Variants in ATRN observed in about 807,000 individuals in gnomAD.
ATRN encodes the protein attractin-2.
ATRN carries 54 observed loss-of-function variants against 178.7 expected under a neutral mutation model. The ratio of observed to expected loss-of-function variants is 0.30; its 90% CI spans 0.24 to 0.38. The LOEUF is 0.38. Among genes scored for constraint, ATRN ranks in the 10% least tolerant of loss-of-function variants. ATRN has a pLI of 1.00. For synonymous variants in ATRN, 636 were observed against 663.0 expected, an observed-to-expected ratio of 0.96 and a Z score of 0.63; for missense variants, 1,443 against 1,815.1, an observed-to-expected ratio of 0.79 and a Z score of 3.73.
In ATRN at chr20:3,489,899, G is replaced by T; in HGVS notation, c.410+18382G>T. 2.3e-6 allele frequency: 3 copies of T among 1,285,692 alleles called. No homozygotes were observed. In the Admixed American group the frequency reaches 5.0e-5, roughly 22 times the overall value. The allele number at this position is 1,285,692 out of a possible 1,614,324, so 79.6% of individuals were successfully genotyped here. ...CCCAGCCAAGTGGCAGGTTTTTGGGGTTGTAAATGATCTCGTTCTTTTCAT... is the reference window on the plus strand; with the variant it reads ...CCCAGCCAAGTGGCAGGTTTTTGGGTTTGTAAATGATCTCGTTCTTTTCAT... On this transcript the variant is annotated intron_variant, in intron 1 of 28. Transcript: ENST00000262919.
At chr20:3,514,375 G>C (rs968826696) in intron 1 of ATRN, among the ~76,000 whole-genome samples, 3 of 152,096 alleles carry the variant, frequency 2.0e-5, no homozygotes, top group African/African-American at 7.2e-5. Context: ...CATACAGCCA[G>C]CATCATTTTG....
At chr20:3,481,646 C>T (rs535411282) in intron 1 of ATRN, among the ~76,000 whole-genome samples, 1 of 139,924 alleles carries the variant, frequency 7.1e-6, no homozygotes, top group South Asian at 2.1e-4. Flanking sequence ...ATGCTTGGAC[C>T]CTTTAAATTT....
At chr20:3,549,732 G>C (rs1206521861) in intron 6 of ATRN, among the ~76,000 whole-genome samples, 2 of 152,154 alleles carry the variant, frequency 1.3e-5, no homozygotes, top group Non-Finnish European at 2.9e-5. Context: ...AGGTCTATTT[G>C]CTAATCTCGT....
intron 1 of ATRN, among the ~76,000 whole-genome samples, chr20:3,504,996 C>A (rs1045312614): frequency 6.6e-6 from 1 of 151,942 alleles, no homozygotes; most frequent in Admixed American, 6.6e-5. Context: ...ACAATATAAA[C>A]AAATCAAGCT....
intron 26 of ATRN, among the ~76,000 whole-genome samples, chr20:3,635,805 CTCTT>C (rs1827488884): frequency 6.6e-6 from 1 of 152,042 alleles, no homozygotes; most frequent in Admixed American, 6.5e-5. Flanking sequence ...ATGTTGCACA[CTCTT>C]TATTATTATT....
In ATRN at chr20:3,650,877, G is replaced by A. The variant is rs1364025311; in HGVS notation, c.*4030G>A. On this transcript the variant is annotated 3_prime_UTR_variant, in exon 29 of 29. Transcript: ENST00000262919. ...ATAATTTAGCATCTATTACACTCAT[G>A]TAAATATGGAGTAAGTATTGTAAAC... 3 of 152,640 alleles carry A rather than the reference G, an allele frequency of 2.0e-5. No individual in the cohort carries two copies. The highest frequency in any genetic ancestry group is 4.4e-5 in the Non-Finnish European group (3 of 68,042). The allele number at this position is 152,640 out of a possible 1,614,324, so 9.5% of individuals were successfully genotyped here. A position where few individuals can be genotyped will look rare whatever the true frequency, so the allele number is the denominator to read the frequency against.
intron 1 of ATRN, among the ~76,000 whole-genome samples, chr20:3,529,871 A>G (rs1011577069): frequency 4.6e-5 from 7 of 152,180 alleles, no homozygotes; most frequent in Non-Finnish European, 8.8e-5. Flanking sequence ...CTAAATGCAA[A>G]CAGATTATAT....
intron 1 of ATRN, among the ~76,000 whole-genome samples, chr20:3,529,304 T>C (rs906154536): frequency 6.6e-6 from 1 of 152,198 alleles, no homozygotes; most frequent in Non-Finnish European, 1.5e-5. Context: ...TCTTAAAAAT[T>C]TAAGTGCATA....
At chr20:3,503,965 G>T (rs924438669) in intron 1 of ATRN, among the ~76,000 whole-genome samples, 1 of 152,140 alleles carries the variant, frequency 6.6e-6, no homozygotes, top group East Asian at 1.9e-4. Flanking sequence ...CAGCCAGAGA[G>T]AAATGATGCA....
At chr20:3,535,061 T>C (rs1436624372) in intron 1 of ATRN, among the ~76,000 whole-genome samples, 192 bp from the exon 2 acceptor site, 1 of 152,066 alleles carries the variant, frequency 6.6e-6, no homozygotes, top group Non-Finnish European at 1.5e-5. Context: ...ATTTGTTTCA[T>C]CTAAATTTAT....
At chr20:3,631,362 C>A (rs933093899) in intron 25 of ATRN, among the ~76,000 whole-genome samples, 1 of 151,956 alleles carries the variant, frequency 6.6e-6, no homozygotes, top group Non-Finnish European at 1.5e-5. Flanking sequence ...GAACAAAAGT[C>A]GGGGGGAAAT....
At chr20:3,588,852 T>A (rs1472882499) in intron 18 of ATRN, among the ~76,000 whole-genome samples, 1 of 152,160 alleles carries the variant, frequency 6.6e-6, no homozygotes, top group Non-Finnish European at 1.5e-5. Context: ...ATTAATTCAA[T>A]CTGTTTGTTA....
In ATRN at chr20:3,522,560, C is replaced by G. The variant is rs12329554; in HGVS notation, c.411-12693C>G. Among the ~76,000 whole-genome samples, 1,205 of 152,332 alleles carry G rather than the reference C, an allele frequency of 7.9e-3. 22 individuals carry two copies. The highest frequency in any genetic ancestry group is 0.028 in the African/African-American group (1,144 of 41,572). ...CAGATCTCCCAGCACACCACTCGAGCTCTGCTAAGGGACAGACTGCCTCCT... is the reference window on the plus strand; with the variant it reads ...CAGATCTCCCAGCACACCACTCGAGGTCTGCTAAGGGACAGACTGCCTCCT... On this transcript the variant is annotated intron_variant, in intron 1 of 28. Transcript: ENST00000262919.
At chr20:3,588,609 T>G (rs1044725008) in intron 18 of ATRN, among the ~76,000 whole-genome samples, 2 of 152,334 alleles carry the variant, frequency 1.3e-5, no homozygotes, top group Middle Eastern at 3.4e-3. Context: ...GGATTTTGTG[T>G]GTACATTCAT....
Position 3,560,850 on chromosome 20 carries a change from C to G in ATRN, c.1392C>G (p.Ile464Met). Residue 464 changes from isoleucine to methionine, a missense_variant, in exon 8 of 29, where the codon ATC becomes ATG. Ile to Met is a conservative substitution (Grantham distance 10). Transcript: ENST00000262919. ...ATGGCCGAGTGGTCATGCTGGTCAT[C>G]TTTGGTCACTGCCCTCTCTATGGAT... ...LKNGRVVMLV[I>M]FGHCPLYGYI... 6.2e-7 allele frequency: 1 copy of G among 1,614,164 alleles called. No individual in the cohort carries two copies. The highest frequency in any genetic ancestry group is 8.5e-7 in the Non-Finnish European group (1 of 1,180,032).
chr20:3,581,238 C>T (rs994415560), intron 15 of ATRN, among the ~76,000 whole-genome samples: 3 of 152,132 alleles, frequency 2.0e-5, no homozygotes, highest in African/African-American at 4.8e-5. Flanking sequence ...GGCAACAGAG[C>T]GAGACCCTGT....
intron 24 of ATRN, among the ~76,000 whole-genome samples, chr20:3,613,587 A>C (rs2146303865): frequency 6.6e-6 from 1 of 152,344 alleles, no homozygotes; most frequent in Non-Finnish European, 1.5e-5. Flanking sequence ...GACAGTAGGG[A>C]AATGTCTAAA....
At chr20:3,640,180 T>C (rs1018924621) in intron 27 of ATRN, among the ~76,000 whole-genome samples, 12 of 152,150 alleles carry the variant, frequency 7.9e-5, no homozygotes, top group Non-Finnish European at 1.6e-4. Context: ...AAGAACCAAA[T>C]GGAACTTCTA....
chr20:3,569,860 C>G (rs1209003676), intron 11 of ATRN, among the ~76,000 whole-genome samples: 1 of 152,138 alleles, frequency 6.6e-6, no homozygotes, highest in East Asian at 1.9e-4. Flanking sequence ...TGCTTGAGTC[C>G]AGGAGTTCAA....
Sources: allele counts gnomAD v4.1 joint callset (sites outside exome capture counted in the v4.1 genomes callset), GRCh38; gene constraint gnomAD v4.1.1; transcripts MANE v1.5; gene names NCBI Gene and HGNC (gene_info 2026-07-23, HGNC 2026-07-21).